Variants in HEY2 observed in about 807,000 individuals in gnomAD.
HEY2 encodes the protein hes related family bHLH transcription factor with YRPW motif 2, also known as hairy/enhancer-of-split related with YRPW motif protein 2.
HEY2 carries 10 observed loss-of-function variants against 18.1 expected under a neutral mutation model. The ratio of observed to expected loss-of-function variants is 0.55; its 90% confidence interval spans 0.34 to 0.94. The LOEUF is 0.94. Ranked by LOEUF, HEY2 falls within the 40% of genes least tolerant of loss-of-function variation. HEY2 has a pLI of 0.02. For synonymous variants in HEY2, 210 were observed against 182.7 expected, an observed-to-expected ratio of 1.15 and a Z score of -1.21; for missense variants, 455 against 455.9, an observed-to-expected ratio of 1.00 and a Z score of 0.02.
intron 4 of HEY2, among the ~76,000 whole-genome samples, chr6:125,755,127 G>A (rs1368393992): frequency 6.6e-6 from 1 of 152,154 alleles, no homozygotes; most frequent in Non-Finnish European, 1.5e-5. Context: ...TACACCAGAA[G>A]CCATTAATGG....
At chr6:125,751,677 AAG>A (rs1175044743) in intron 1 of HEY2, 122 bp from the exon 2 acceptor site, 1 of 610,246 alleles carries the variant, frequency 1.6e-6, no homozygotes, top group Admixed American at 3.1e-5. Context: ...AACAAGAACT[AAG>A]AATAAAATAA....
At position 125,759,231 on chromosome 6, in the gene HEY2, C is replaced by T. The variant is rs750775754; in HGVS notation, c.443C>T (p.Pro148Leu). The change falls in exon 5 of 5, where the codon CCG becomes CTG. Residue 148 changes from proline (P) to leucine (L), a missense_variant. Pro to Leu is a moderately conservative substitution (Grantham distance 98). Transcript: ENST00000368364. Reference sequence around the variant, plus strand: ...GTGGAAGGCCTGGACTCCTCGGATCCGCTGCGGGTGCGGCTTGTGTCTCAT... The same window carrying T: ...GTGGAAGGCCTGGACTCCTCGGATCTGCTGCGGGTGCGGCTTGTGTCTCAT... ...SSVEGLDSSD[P>L]LRVRLVSHLS... 4 of 1,612,012 alleles carry T rather than the reference C, an allele frequency of 2.5e-6. No homozygotes were observed. The highest frequency in any genetic ancestry group is 2.2e-5 in the East Asian group (1 of 44,872).
Position 125,760,113 on chromosome 6 carries a change from T to C in HEY2, c.*311T>C, listed in dbSNP as rs1419379304. 9 of 344,664 alleles carry C rather than the reference T, an allele frequency of 2.6e-5. No individual in the cohort carries two copies. The East Asian group carries it at 3.3e-4, about 13-fold the overall frequency. The allele number at this position is 344,664 out of a possible 1,614,324, so 21.4% of individuals were successfully genotyped here. ...CCAGCAGTGCATCAGTATGTCTGAA[T>C]TGGGGAAGTAAAATGCCCTGACTGA... On this transcript the variant is annotated 3_prime_UTR_variant, in exon 5 of 5. Transcript: ENST00000368364.
intron 4 of HEY2, 39 bp downstream of exon 4, chr6:125,754,585 T>A: frequency 2.7e-6 from 3 of 1,117,938 alleles, no homozygotes; most frequent in Middle Eastern, 2.0e-4. Context: ...TTTTGCCTTT[T>A]TTACCTTTCT....
rs543525530 is a variant in HEY2, at chr6:125,751,359, A to G, written c.84-442A>G. On this transcript the variant is annotated intron_variant, in intron 1 of 4. Transcript: ENST00000368364. ...AGAGTTTGACGTATGACGACTGCAC[A>G]TCTGTTTGATAGTGGTGCTTAACAT... Among the ~76,000 whole-genome samples, 42 of 152,346 alleles carry G rather than the reference A, an allele frequency of 2.8e-4. 1 individual carries two copies. The South Asian group carries it at 6.8e-3, about 25-fold the overall frequency.
chr6:125,749,654 C>G lies in HEY2; in HGVS notation c.-123C>G. On this transcript the variant is annotated 5_prime_UTR_variant, in exon 1 of 5. Transcript: ENST00000368364. Reference sequence around the variant, plus strand: ...TGGGAAAGAGCCGCTAGGAGCAGACCGCGCCGCCGCCGGAGCCGCGCCTGC... The same window carrying G: ...TGGGAAAGAGCCGCTAGGAGCAGACGGCGCCGCCGCCGGAGCCGCGCCTGC... The G allele has an allele frequency of 1.8e-6, 1 of 567,646 alleles. No individual in the cohort carries two copies. 35.2% of individuals were successfully genotyped at this position (567,646 alleles called of 1,614,324 possible).
In HEY2 at chr6:125,761,264, T is replaced by A. The variant is rs182644657; in HGVS notation, c.*1462T>A. 6.5e-6 allele frequency: 1 copy of A among 152,796 alleles called. No homozygotes were observed. The highest frequency in any genetic ancestry group is 6.5e-5 in the Admixed American group (1 of 15,310). The allele number at this position is 152,796 out of a possible 1,614,324, so 9.5% of individuals were successfully genotyped here. The stretch of plus-strand genomic sequence containing the variant: ...ACCACTAATTAAATGAAGTCCTTTT[T>A]GACTATTTTTTATGTGGATGAGTTG... On this transcript the variant is annotated 3_prime_UTR_variant, in exon 5 of 5. Coordinates refer to ENST00000368364, the MANE Select transcript of HEY2 (RefSeq NM_012259.3).
intron 3 of HEY2, among the ~76,000 whole-genome samples, chr6:125,754,107 T>C (rs1488968847): frequency 6.6e-6 from 1 of 152,212 alleles, no homozygotes; most frequent in Non-Finnish European, 1.5e-5. Flanking sequence ...TGATGCCCCA[T>C]AGTAAAACAT....
chr6:125,754,550 A>C lies in HEY2; in HGVS notation c.328+4A>C, dbSNP rs762387313. On this transcript the variant is annotated splice_donor_region_variant and intron_variant, in intron 4 of 4. Transcript: ENST00000368364. ...CTTCAGGCAACAGGGGGTAAAGGTAAGTAGATGACTTCATTTTTTTTTTTT... is the reference window on the plus strand; with the variant it reads ...CTTCAGGCAACAGGGGGTAAAGGTACGTAGATGACTTCATTTTTTTTTTTT... 6 of 1,529,866 alleles carry C rather than the reference A, an allele frequency of 3.9e-6. No homozygotes were observed. In the Middle Eastern group the frequency reaches 5.2e-4, roughly 132 times the overall value. 94.8% of individuals were successfully genotyped at this position (1,529,866 alleles called of 1,614,324 possible).
intron 4 of HEY2, among the ~76,000 whole-genome samples, chr6:125,755,240 CGAGGTGGT>C (rs1773631951): frequency 6.6e-6 from 1 of 152,160 alleles, no homozygotes; most frequent in South Asian, 2.1e-4. Context: ...GAGTAATTGT[CGAGGTGGT>C]GAGAGAGGAT....
rs1562715642 is a variant in HEY2, at chr6:125,761,113, C to T, written c.*1311C>T. 1 of 152,460 alleles carries T rather than the reference C, an allele frequency of 6.6e-6. No homozygotes were observed. Among genetic ancestry groups the T allele is most frequent in the East Asian group, 1.9e-4 (1 of 5,198 alleles). 9.4% of individuals were successfully genotyped at this position (152,460 alleles called of 1,614,324 possible). ...TCATTTCTCTACTGTGTGGAGAAAG[C>T]AATAAACATTATGAGAATGTTAAAC... On this transcript the variant is annotated 3_prime_UTR_variant, in exon 5 of 5. Coordinates refer to ENST00000368364, the MANE Select transcript of HEY2 (RefSeq NM_012259.3).
chr6:125,752,231 G>A, intron 3 of HEY2, 141 bp downstream of exon 3: 1 of 598,082 alleles, frequency 1.7e-6, no homozygotes, highest in African/African-American at 1.9e-5. Context: ...GCCCTGATCT[G>A]GCACAGAGCA....
intron 4 of HEY2, among the ~76,000 whole-genome samples, chr6:125,756,898 C>T (rs1247759592): frequency 6.6e-6 from 1 of 152,054 alleles, no homozygotes; most frequent in African/African-American, 2.4e-5. Context: ...TACTGTTGGC[C>T]CAAGATCCAT....
chr6:125,753,681 G>A (rs1773596074), intron 3 of HEY2, among the ~76,000 whole-genome samples: 1 of 152,092 alleles, frequency 6.6e-6, no homozygotes, highest in Admixed American at 6.5e-5. Context: ...TTGGTTACCA[G>A]AGGTTTCCTT....
intron 4 of HEY2, among the ~76,000 whole-genome samples, chr6:125,756,339 G>A (rs1773655980): frequency 6.6e-6 from 1 of 151,934 alleles, no homozygotes; most frequent in Admixed American, 6.6e-5. Flanking sequence ...AGGCCGAGGT[G>A]GGCGGATCAC....
chr6:125,750,610 A>G (rs1306394636), intron 1 of HEY2, among the ~76,000 whole-genome samples: 3 of 152,236 alleles, frequency 2.0e-5, no homozygotes, highest in Non-Finnish European at 1.5e-5. Context: ...AATTCTTCCT[A>G]CCTTTGGAAA....
chr6:125,749,784 G>A lies in HEY2; in HGVS notation c.8G>A (p.Arg3His). The A allele has an allele frequency of 2.5e-6, 4 of 1,574,926 alleles. No individual in the cohort carries two copies. The highest frequency in any genetic ancestry group is 3.4e-6 in the Non-Finnish European group (4 of 1,161,226). The change falls in exon 1 of 5, where the codon CGC (arginine) becomes CAC (histidine). Residue 3 changes from arginine (R) to histidine (H), a missense_variant. By Grantham distance (29) the Arg-to-His change is conservative. Coordinates refer to ENST00000368364, the MANE Select transcript of HEY2 (RefSeq NM_012259.3). ...CGCGCGGTCTTCGCCGGGATGAAGC[G>A]CCCCTGCGAGGAGACGACCTCCGAG... MKRPCEETTSESD... is the reference protein window; with the variant it reads MKHPCEETTSESD...
chr6:125,757,150 G>T (rs1773677596), intron 4 of HEY2, among the ~76,000 whole-genome samples: 1 of 152,092 alleles, frequency 6.6e-6, no homozygotes, highest in African/African-American at 2.4e-5. Context: ...TATCTAGAGA[G>T]GATTTAGTAG....
intron 2 of HEY2, 31 bp from the exon 3 acceptor site, chr6:125,751,976 T>A: frequency 1.1e-5 from 18 of 1,600,436 alleles, no homozygotes; most frequent in Non-Finnish European, 1.5e-5. Flanking sequence ...TGTGAATTCA[T>A]AAACTTTTGT....
Sources: gnomAD v4.1 joint callset for allele counts (sites outside exome capture counted in the v4.1 genomes callset) on GRCh38, gnomAD v4.1.1 for gene constraint, MANE v1.5 for transcripts, NCBI Gene and HGNC (gene_info 2026-07-23, HGNC 2026-07-21) for gene names.